POFUT3: variants seen among roughly 807,000 people sequenced by gnomAD.
POFUT3 encodes the protein GDP-fucose protein O-fucosyltransferase 3.
At chr8:33,316,109 T>G in the POFUT3 span, among the ~76,000 whole-genome samples, 1 of 152,156 alleles carries the variant, frequency 6.6e-6, no homozygotes, top group Non-Finnish European at 1.5e-5. Context: ...CATGCTGCAC[T>G]TCTCATCACT....
At chr8:33,460,614 G>T in the POFUT3 span, 1 of 378,176 alleles carries the variant, frequency 2.6e-6, no homozygotes, top group Non-Finnish European at 3.6e-6. Context: ...AACAATAGGA[G>T]ATTCTGAGGA....
At chr8:33,453,766 T>C in the POFUT3 span, among the ~76,000 whole-genome samples, 2 of 152,012 alleles carry the variant, frequency 1.3e-5, no homozygotes, top group Non-Finnish European at 2.9e-5. Context: ...GCCAACATAG[T>C]GAAACCCCGA....
chr8:33,343,163 CAA>C, the POFUT3 span, among the ~76,000 whole-genome samples: 1 of 151,114 alleles, frequency 6.6e-6, no homozygotes, highest in Non-Finnish European at 1.5e-5. Context: ...AAACCTATAT[CAA>C]GTTTAATTTT....
At chr8:33,408,902 C>T in the POFUT3 span, among the ~76,000 whole-genome samples, 1 of 151,986 alleles carries the variant, frequency 6.6e-6, no homozygotes, top group African/African-American at 2.4e-5. Flanking sequence ...TCAGAACTCA[C>T]CAACTGCACA....
the POFUT3 span, among the ~76,000 whole-genome samples, chr8:33,313,562 G>A: frequency 5.3e-5 from 8 of 151,642 alleles, no homozygotes; most frequent in African/African-American, 1.7e-4. Context: ...TGAGCAACAC[G>A]GAATAAAATG....
At chr8:33,364,055 C>A in the POFUT3 span, among the ~76,000 whole-genome samples, 1 of 152,136 alleles carries the variant, frequency 6.6e-6, no homozygotes, top group Non-Finnish European at 1.5e-5. Context: ...AGCAGCATAT[C>A]AAAAAGCTTA....
the POFUT3 span, among the ~76,000 whole-genome samples, chr8:33,415,050 C>A: frequency 5.3e-4 from 80 of 151,616 alleles, no homozygotes; most frequent in African/African-American, 1.9e-3. Flanking sequence ...TCACCTGAGT[C>A]CAGGAGTTCG....
chr8:33,471,455 T>G, the POFUT3 span, among the ~76,000 whole-genome samples: 1 of 152,140 alleles, frequency 6.6e-6, no homozygotes, highest in Non-Finnish European at 1.5e-5. Flanking sequence ...TTTCACCATA[T>G]TGGCCAGGCT....
At chr8:33,389,732 T>A in the POFUT3 span, 1 of 1,614,170 alleles carries the variant, frequency 6.2e-7, no homozygotes, top group South Asian at 1.1e-5. Context: ...GGACTCTTCA[T>A]GAAAAACAGC....
At chr8:33,425,553 T>C in the POFUT3 span, among the ~76,000 whole-genome samples, 1 of 151,652 alleles carries the variant, frequency 6.6e-6, no homozygotes, top group African/African-American at 2.4e-5. Context: ...GAGAAGCATG[T>C]TGGGATGTTA....
At chr8:33,431,526 C>A in the POFUT3 span, among the ~76,000 whole-genome samples, 149 of 109,714 alleles carry the variant, frequency 1.4e-3, no homozygotes, top group Non-Finnish European at 1.9e-3. Flanking sequence ...CCAGCCTGGG[C>A]AACAGAGCAA....
At chr8:33,363,597 G>A in the POFUT3 span, among the ~76,000 whole-genome samples, 7 of 152,162 alleles carry the variant, frequency 4.6e-5, 1 homozygote, top group South Asian at 4.2e-4. Context: ...TATCACCACC[G>A]ATCCCACAGA....
the POFUT3 span, among the ~76,000 whole-genome samples, chr8:33,397,651 T>C: frequency 1.3e-5 from 2 of 152,194 alleles, no homozygotes; most frequent in Non-Finnish European, 2.9e-5. Context: ...GATGAGGCTA[T>C]ATAACTCTGT....
the POFUT3 span, among the ~76,000 whole-genome samples, chr8:33,362,413 A>C: frequency 6.6e-6 from 1 of 152,190 alleles, no homozygotes. Flanking sequence ...AAATTTAAAC[A>C]TAACAATATT....
the POFUT3 span, among the ~76,000 whole-genome samples, chr8:33,369,346 G>A: frequency 2.0e-5 from 3 of 152,136 alleles, no homozygotes; most frequent in Non-Finnish European, 4.4e-5. Context: ...TATCCCCTTT[G>A]AGTTTTTCAA....
chr8:33,387,083 A>G, the POFUT3 span, among the ~76,000 whole-genome samples: 43 of 152,156 alleles, frequency 2.8e-4, no homozygotes, highest in African/African-American at 1.0e-3. Context: ...ATGTTTTCAC[A>G]TGGGTGGGTG....
the POFUT3 span, among the ~76,000 whole-genome samples, chr8:33,397,448 G>T: frequency 6.6e-6 from 1 of 152,260 alleles, no homozygotes; most frequent in Non-Finnish European, 1.5e-5. Context: ...ACCACTGTCT[G>T]CCCAGCTCAT....
chr8:33,453,624 A>T, the POFUT3 span: 5 of 861,344 alleles, frequency 5.8e-6, no homozygotes, highest in Non-Finnish European at 9.2e-6. Context: ...GCTGTAACAA[A>T]TTACCACAAA....
the POFUT3 span, among the ~76,000 whole-genome samples, chr8:33,388,402 T>C: frequency 6.8e-6 from 1 of 147,440 alleles, no homozygotes; most frequent in Non-Finnish European, 1.5e-5. Flanking sequence ...TGTGGCATGA[T>C]CTCGGCTCAC....
Sources: allele counts gnomAD v4.1 joint callset (sites outside exome capture counted in the v4.1 genomes callset), GRCh38; gene constraint gnomAD v4.1.1; transcripts MANE v1.5; gene names NCBI Gene and HGNC (gene_info 2026-07-23, HGNC 2026-07-21).